Variants in EEFSEC observed in about 807,000 individuals in gnomAD.
The protein encoded by EEFSEC is selenocysteine-specific elongation factor.
In EEFSEC, 43 loss-of-function variants were observed where a neutral mutation model predicts 42.1. The observed-to-expected ratio is 1.02, with a 90% CI of 0.80 to 1.32. The LOEUF is 1.32. EEFSEC is among the 40% of genes most tolerant of loss of function. The pLI is 0.00. For missense variants in EEFSEC, 745 were observed against 803.6 expected, an observed-to-expected ratio of 0.93 and a Z score of 0.88; for synonymous variants, 354 against 339.1, an observed-to-expected ratio of 1.04 and a Z score of -0.48.
intron 4 of EEFSEC, among the ~76,000 whole-genome samples, chr3:128,308,875 G>A (rs917979972): frequency 6.6e-6 from 1 of 152,210 alleles, no homozygotes; most frequent in Non-Finnish European, 1.5e-5. Flanking sequence ...CGGAGCTTTA[G>A]CTTCCCCGTC....
intron 4 of EEFSEC, among the ~76,000 whole-genome samples, chr3:128,293,129 G>A (rs2066661849): frequency 6.6e-6 from 1 of 152,106 alleles, no homozygotes; most frequent in Non-Finnish European, 1.5e-5. Flanking sequence ...TTCCACTGTG[G>A]TCAGAGAATA....
chr3:128,274,187 G>A (rs1207801012), intron 4 of EEFSEC, among the ~76,000 whole-genome samples: 1 of 152,208 alleles, frequency 6.6e-6, no homozygotes, highest in Non-Finnish European at 1.5e-5. Flanking sequence ...GCAGGGCTTC[G>A]AGAGCAACTG....
At chr3:128,415,692 G>T in the EEFSEC span, among the ~76,000 whole-genome samples, 24 of 152,190 alleles carry the variant, frequency 1.6e-4, no homozygotes, top group African/African-American at 5.3e-4. Context: ...CGGGGCTCTC[G>T]CACAGATGGC....
At chr3:128,375,188 G>C (rs1247824806) in intron 6 of EEFSEC, among the ~76,000 whole-genome samples, 1 of 152,236 alleles carries the variant, frequency 6.6e-6, no homozygotes, top group Non-Finnish European at 1.5e-5. Flanking sequence ...GTGAGTTCGA[G>C]TGTGTTTCTC....
chr3:128,233,492 A>C (rs2065979040), intron 1 of EEFSEC, among the ~76,000 whole-genome samples: 1 of 152,222 alleles, frequency 6.6e-6, no homozygotes, highest in Non-Finnish European at 1.5e-5. Context: ...TTCTAGCCAA[A>C]GAGCTCTTTA....
intron 6 of EEFSEC, among the ~76,000 whole-genome samples, chr3:128,374,961 T>C (rs1373289408): frequency 1.3e-5 from 2 of 152,202 alleles, no homozygotes; most frequent in African/African-American, 4.8e-5. Flanking sequence ...CTGTTCTCAT[T>C]TTTGTCCATC....
intron 1 of EEFSEC, among the ~76,000 whole-genome samples, chr3:128,234,438 T>A (rs1181041064): frequency 6.6e-6 from 1 of 152,242 alleles, no homozygotes; most frequent in Non-Finnish European, 1.5e-5. Flanking sequence ...GACTCCCGTA[T>A]GCCCATCACC....
chr3:128,328,003 G>A (rs1158753700), intron 4 of EEFSEC, among the ~76,000 whole-genome samples: 1 of 152,134 alleles, frequency 6.6e-6, no homozygotes, highest in Non-Finnish European at 1.5e-5. Context: ...AAGGGCTGGG[G>A]GCCACCACAG....
intron 4 of EEFSEC, among the ~76,000 whole-genome samples, chr3:128,273,458 C>T (rs1385836517): frequency 1.3e-5 from 2 of 152,254 alleles, no homozygotes; most frequent in African/African-American, 2.4e-5. Context: ...GCTGCCCCTG[C>T]AGGCCTTTTT....
chr3:128,293,660 C>CAAAAAAAAAAAA (rs759485696), intron 4 of EEFSEC, among the ~76,000 whole-genome samples: 1,318 of 13,904 alleles, frequency 0.095, 42 homozygotes, highest in Middle Eastern at 0.25. Context: ...GACTCTATCT[C>CAAAAAAAAAAAA]AAAAAAAAAA....
At chr3:128,361,847 G>A (rs1254280326) in intron 6 of EEFSEC, among the ~76,000 whole-genome samples, 1 of 152,222 alleles carries the variant, frequency 6.6e-6, no homozygotes, top group South Asian at 2.1e-4. Flanking sequence ...TCTGCTGGTG[G>A]TGAGAGAGTA....
At chr3:128,261,551 CTTTTTTT>C (rs386397883) in intron 2 of EEFSEC, among the ~76,000 whole-genome samples, 16 of 106,894 alleles carry the variant, frequency 1.5e-4, no homozygotes, top group African/African-American at 4.6e-4. Flanking sequence ...CTCTTTCCCT[CTTTTTTT>C]TTTTTTTTTT....
intron 1 of EEFSEC, among the ~76,000 whole-genome samples, chr3:128,165,998 G>A (rs1028487164): frequency 2.6e-5 from 4 of 152,214 alleles, no homozygotes; most frequent in Admixed American, 6.5e-5. Flanking sequence ...GCCATGAACA[G>A]TAAAGGCCCT....
Position 128,408,383 on chromosome 3 carries a change from A to C in EEFSEC, c.*124A>C, listed in dbSNP as rs1421887861. On this transcript the variant is annotated 3_prime_UTR_variant, in exon 7 of 7. Transcript: ENST00000254730. ...CTGCAGTCCTGCAGCAGCAGCCCCC[A>C]CCCCCAAGCTTGGTGCTGAGCCCTG... 1.9e-6 allele frequency: 2 copies of C among 1,076,624 alleles called. No homozygotes were observed. Among genetic ancestry groups the C allele is most frequent in the Non-Finnish European group, 2.6e-6 (2 of 766,992 alleles). The allele number at this position is 1,076,624 out of a possible 1,614,324, so 66.7% of individuals were successfully genotyped here. A position where few individuals can be genotyped will look rare whatever the true frequency, so the allele number is the denominator to read the frequency against.
intron 2 of EEFSEC, among the ~76,000 whole-genome samples, chr3:128,258,430 G>A (rs2066264845): frequency 6.6e-6 from 1 of 152,144 alleles, no homozygotes; most frequent in East Asian, 1.9e-4. Context: ...CGACCCTTTA[G>A]CAATCATTTG....
chr3:128,177,538 C>T (rs1360308270), intron 1 of EEFSEC, among the ~76,000 whole-genome samples: 2 of 152,066 alleles, frequency 1.3e-5, no homozygotes, highest in Non-Finnish European at 2.9e-5. Context: ...TTAAAAAGGT[C>T]TTGCTGACTT....
intron 6 of EEFSEC, among the ~76,000 whole-genome samples, chr3:128,383,103 C>T (rs867890823): frequency 5.3e-5 from 8 of 152,182 alleles, no homozygotes; most frequent in Non-Finnish European, 1.2e-4. Context: ...ACTGCCTCCT[C>T]GGGCCCCTCT....
Position 128,234,091 on chromosome 3 carries a change from C to T in EEFSEC, c.317-12745C>T, listed in dbSNP as rs535059045. ...ATTTTGAGACAGAGTCTTGCTCTGT[C>T]GCCCAGGCTGGAGTGCAGTGGTGTG... On this transcript the variant is annotated intron_variant, in intron 1 of 6. Coordinates refer to ENST00000254730, the MANE Select transcript of EEFSEC (RefSeq NM_021937.5). Among the ~76,000 whole-genome samples the T allele has an allele frequency of 5.3e-5, 8 of 152,082 alleles. No individual in the cohort carries two copies. In the East Asian group the frequency reaches 9.6e-4, roughly 18 times the overall value.
At chr3:128,366,903 C>G (rs539984271) in intron 6 of EEFSEC, among the ~76,000 whole-genome samples, 1 of 152,302 alleles carries the variant, frequency 6.6e-6, no homozygotes, top group South Asian at 2.1e-4. Flanking sequence ...GCTATCATAA[C>G]AGAATACCAC....
Sources: allele counts gnomAD v4.1 joint callset (sites outside exome capture counted in the v4.1 genomes callset), GRCh38; gene constraint gnomAD v4.1.1; transcripts MANE v1.5; gene names NCBI Gene and HGNC (gene_info 2026-07-23, HGNC 2026-07-21).